LDLRAD4: variants seen among roughly 807,000 people sequenced by gnomAD.
LDLRAD4 encodes the protein low-density lipoprotein receptor class A domain-containing protein 4.
In LDLRAD4, 5 loss-of-function variants were observed where a neutral mutation model predicts 17.0. That is an observed-to-expected ratio of 0.29 (90% CI 0.15 to 0.62). LDLRAD4 has a LOEUF of 0.62. Ranked by LOEUF, LDLRAD4 falls within the 20% of genes least tolerant of loss-of-function variation. The probability of loss-of-function intolerance (pLI) is 0.84; values close to 1 mark genes in which losing one functional copy is unlikely to be tolerated. For synonymous variants in LDLRAD4, 168 were observed against 171.8 expected (o/e 0.98, Z 0.17); for missense variants, 340 against 424.7 (o/e 0.80, Z 1.75).
At chr18:13,626,174 G>A (rs924102369) in intron 4 of LDLRAD4, among the ~76,000 whole-genome samples, 10 of 152,126 alleles carry the variant, frequency 6.6e-5, no homozygotes, top group South Asian at 2.1e-4. Flanking sequence ...CTGCATCCTT[G>A]TGCATTCTTG....
At chr18:13,492,739 C>T (rs1382618750) in intron 3 of LDLRAD4, among the ~76,000 whole-genome samples, 1 of 152,158 alleles carries the variant, frequency 6.6e-6, no homozygotes, top group Non-Finnish European at 1.5e-5. Context: ...GTGGGGTGCC[C>T]TGGGAGCACC....
In LDLRAD4 at chr18:13,645,524, C is replaced by G. The variant is rs750459071; in HGVS notation, c.788C>G (p.Pro263Arg). The change falls in exon 6 of 6, where the codon CCA (proline) becomes CGA (arginine). Residue 263 changes from proline to arginine, a missense_variant. Physicochemically the swap from Pro to Arg is moderately radical, Grantham distance 103. Transcript: ENST00000359446. This position sits in a 1 kb window ranked among gnomAD's most constrained non-coding sequence, Gnocchi z 5.7. ...TACAGCGAGGTGATGGGCCACCACC[C>G]AGGCGCCTCTTTCCTCCATCACCAG... 6.2e-7 allele frequency: 1 copy of G among 1,610,882 alleles called. No homozygotes were observed. Among genetic ancestry groups the G allele is most frequent in the East Asian group, 2.2e-5 (1 of 44,870 alleles).
intron 1 of LDLRAD4, among the ~76,000 whole-genome samples, chr18:13,318,522 A>C (rs1023171429): frequency 6.6e-6 from 1 of 152,200 alleles, no homozygotes; most frequent in Non-Finnish European, 1.5e-5. Flanking sequence ...TTAGCCTCCC[A>C]AAATGCTGGG....
rs2090985394 is a variant in LDLRAD4 at position 13,440,962 on chromosome 18, C to A, written c.181+2578C>A. Among the ~76,000 whole-genome samples the A allele has an allele frequency of 6.6e-6, 1 of 152,182 alleles. No homozygotes were observed. The highest frequency in any genetic ancestry group is 2.1e-4 in the South Asian group (1 of 4,828). On this transcript the variant is annotated intron_variant, in intron 3 of 5. Coordinates refer to ENST00000359446, the Ensembl canonical transcript of LDLRAD4. The surrounding 1 kb of genome is among the most constrained non-coding windows in gnomAD (Gnocchi z 4.4). ...TGGCCTGTGGCTGCCCCCTACGTTC[C>A]CCTCAGGTTCTCTGCAGGAGCCCGA...
chr18:13,348,867 G>A (rs542869953), intron 1 of LDLRAD4, among the ~76,000 whole-genome samples: 55 of 152,294 alleles, frequency 3.6e-4, no homozygotes, highest in Non-Finnish European at 6.6e-4. Context: ...AGGACCCTCC[G>A]AGCCAGGCAC....
At chr18:13,619,967 A>T (rs2040459130) in intron 3 of LDLRAD4, among the ~76,000 whole-genome samples, 1 of 151,716 alleles carries the variant, frequency 6.6e-6, no homozygotes, top group South Asian at 2.1e-4. Flanking sequence ...TCCCACCCTC[A>T]GTCCCTAGGG....
chr18:13,541,818 CAAGCCAGGAGGATAGCTTA>C (rs535490829), intron 3 of LDLRAD4, among the ~76,000 whole-genome samples: 2,417 of 152,194 alleles, frequency 0.016, 72 homozygotes, highest in African/African-American at 0.054. Context: ...TTTGGGAGAC[CAAGCCAGGAGGATAGCTTA>C]AAGCCAGGAG....
chr18:13,512,049 C>G (rs776948355), intron 3 of LDLRAD4, among the ~76,000 whole-genome samples: 2 of 152,176 alleles, frequency 1.3e-5, no homozygotes, highest in Non-Finnish European at 2.9e-5. Flanking sequence ...GGAGCGCTTG[C>G]GTTGCTCCGT....
At chr18:13,445,851 AT>A (rs2091371570) in intron 3 of LDLRAD4, among the ~76,000 whole-genome samples, 1 of 151,900 alleles carries the variant, frequency 6.6e-6, no homozygotes, top group Admixed American at 6.6e-5. Context: ...TGTGTGGTGC[AT>A]GTGTGCATGA....
chr18:13,283,281 T>G (rs1277895846), intron 1 of LDLRAD4, among the ~76,000 whole-genome samples: 1 of 152,122 alleles, frequency 6.6e-6, no homozygotes, highest in Non-Finnish European at 1.5e-5. Flanking sequence ...AGAAAATGGG[T>G]TTTTCTTTTC....
intron 4 of LDLRAD4, chr18:13,642,467 T>C: frequency 8.3e-7 from 1 of 1,199,992 alleles, no homozygotes; most frequent in Non-Finnish European, 1.0e-6. Flanking sequence ...CCTGTCACCT[T>C]GTCAATCTGG....
At chr18:13,348,089 G>A (rs374337343) in intron 1 of LDLRAD4, among the ~76,000 whole-genome samples, 1 of 152,180 alleles carries the variant, frequency 6.6e-6, no homozygotes, top group African/African-American at 2.4e-5. Flanking sequence ...GTCATTCTCT[G>A]TCCAGCTTTG....
chr18:13,339,340 A>G (rs2143998221), intron 1 of LDLRAD4, among the ~76,000 whole-genome samples: 1 of 152,000 alleles, frequency 6.6e-6, no homozygotes, highest in South Asian at 2.1e-4. Flanking sequence ...CCTCCCGAGT[A>G]GCTGGGACTA....
At chr18:13,479,736 A>G (rs1263759226) in intron 3 of LDLRAD4, among the ~76,000 whole-genome samples, 4 of 152,252 alleles carry the variant, frequency 2.6e-5, no homozygotes, top group African/African-American at 9.6e-5. Flanking sequence ...AACAGTAAGA[A>G]AAAAGAAAAA....
intron 1 of LDLRAD4, among the ~76,000 whole-genome samples, chr18:13,322,905 G>A (rs2081332736): frequency 1.3e-5 from 2 of 151,758 alleles, no homozygotes; most frequent in Admixed American, 6.6e-5. Flanking sequence ...CATTACAGGC[G>A]TGAGCCACTG....
At chr18:13,370,736 A>T (rs1276684124) in intron 1 of LDLRAD4, among the ~76,000 whole-genome samples, 2 of 11,462 alleles carry the variant, frequency 1.7e-4, no homozygotes, top group African/African-American at 3.5e-4. Flanking sequence ...TTTGAGATGG[A>T]TTCTTGCTTT....
intron 1 of LDLRAD4, among the ~76,000 whole-genome samples, chr18:13,334,964 T>C (rs574324952): frequency 2.6e-5 from 4 of 152,362 alleles, no homozygotes; most frequent in Non-Finnish European, 5.9e-5. Flanking sequence ...ACATTATTGA[T>C]ATGACAATTA....
chr18:13,571,950 A>G (rs2094698485), intron 3 of LDLRAD4, among the ~76,000 whole-genome samples: 2 of 152,190 alleles, frequency 1.3e-5, no homozygotes, highest in South Asian at 4.1e-4. Context: ...AACTATTATT[A>G]ATTAATCATT....
At chr18:13,546,889 G>A (rs2094373467) in intron 3 of LDLRAD4, among the ~76,000 whole-genome samples, 1 of 152,246 alleles carries the variant, frequency 6.6e-6, no homozygotes, top group Non-Finnish European at 1.5e-5. Context: ...CAGAAAGCCA[G>A]TTGGCTTGGA....
Sources: gnomAD v4.1 joint callset for allele counts (sites outside exome capture counted in the v4.1 genomes callset) on GRCh38, gnomAD v4.1.1 for gene constraint, Gnocchi (gnomAD v3.1) non-coding constraint, MANE v1.5 for transcripts, NCBI Gene and HGNC (gene_info 2026-07-23, HGNC 2026-07-21) for gene names.